Variants in ZNF555 observed in about 807,000 individuals in gnomAD.
ZNF555 encodes the protein zinc finger protein 555.
In ZNF555, 10 loss-of-function variants were observed where a neutral mutation model predicts 14.0. That is an observed-to-expected ratio of 0.72 (90% CI 0.44 to 1.21). ZNF555 has a LOEUF of 1.21. ZNF555 is among the 50% of genes most tolerant of loss of function. ZNF555 has a pLI of 0.00. For synonymous variants in ZNF555, 277 were observed against 262.4 expected (o/e 1.06, Z -0.54); for missense variants, 747 against 762.0 (o/e 0.98, Z 0.23).
chr19:2,842,978 G>T (rs1292728847), intron 1 of ZNF555, among the ~76,000 whole-genome samples: 3 of 152,034 alleles, frequency 2.0e-5, no homozygotes, highest in Admixed American at 6.5e-5. Context: ...AGAAGGCGGA[G>T]GTTGCGGTGA....
chr19:2,851,010 T>C (rs2087624937), intron 2 of ZNF555, among the ~76,000 whole-genome samples: 2 of 151,628 alleles, frequency 1.3e-5, no homozygotes, highest in South Asian at 4.2e-4. Flanking sequence ...TTTTTTTTTT[T>C]TTTTTTGAGA....
At position 2,842,623 on chromosome 19, in the gene ZNF555, C is replaced by T. The variant is rs115978249; in HGVS notation, c.3+1048C>T. Among the ~76,000 whole-genome samples the T allele has an allele frequency of 2.4e-3, 371 of 152,302 alleles. 1 individual carries two copies. The highest frequency in any genetic ancestry group is 8.2e-3 in the African/African-American group (341 of 41,570). Reference sequence around the variant, plus strand: ...ACCTGAGTTGGGGGTGGGAGGGCGTCCGTCGTGGTAGCCTGGCCAGACTTG... The same window carrying T: ...ACCTGAGTTGGGGGTGGGAGGGCGTTCGTCGTGGTAGCCTGGCCAGACTTG... On this transcript the variant is annotated intron_variant, in intron 1 of 3. Transcript: ENST00000334241.
rs557856180 is a variant in ZNF555 at position 2,856,285 on chromosome 19, A to T, written c.*2333A>T. On this transcript the variant is annotated 3_prime_UTR_variant, in exon 4 of 4. Transcript: ENST00000334241. ...AGTGGCACGACCTTAGCTCACTGCA[A>T]CCTTCATCTCCCAGGTTCAGTTGAT... 17 of 152,138 alleles carry T rather than the reference A, an allele frequency of 1.1e-4. No individual in the cohort carries two copies. Among genetic ancestry groups the T allele is most frequent in the African/African-American group, 4.1e-4 (17 of 41,480 alleles). 9.4% of individuals were successfully genotyped at this position (152,138 alleles called of 1,614,324 possible).
At position 2,853,923 on chromosome 19, in the gene ZNF555, A is replaced by G. The variant is rs769276886; in HGVS notation, c.1858A>G (p.Lys620Glu). Residue 620 changes from lysine (K) to glutamate (E), a missense_variant, in exon 4 of 4, where the codon AAA becomes GAA. Physicochemically the swap from Lys to Glu is moderately conservative, Grantham distance 56. Transcript: ENST00000334241. ...GTCACACCAGGAGAGAGATCTGATCAAAGTTGTAAATATGGTGTTGCCTTT... is the reference window on the plus strand; with the variant it reads ...GTCACACCAGGAGAGAGATCTGATCGAAGTTGTAAATATGGTGTTGCCTTT... ...EKSHQERDLI[K>E]VVNMVLPL 2.7e-5 allele frequency: 44 copies of G among 1,613,722 alleles called. 1 individual carries two copies. In the Middle Eastern group the frequency reaches 4.9e-4, roughly 18 times the overall value.
rs1314336601 is a variant in ZNF555 at position 2,854,078 on chromosome 19, C to T, written c.*126C>T. 2.5e-6 allele frequency: 3 copies of T among 1,189,084 alleles called. No homozygotes were observed. The highest frequency in any genetic ancestry group is 2.3e-6 in the Non-Finnish European group (2 of 862,588). 73.7% of individuals were successfully genotyped at this position (1,189,084 alleles called of 1,614,324 possible). A position where few individuals can be genotyped will look rare whatever the true frequency, so the allele number is the denominator to read the frequency against. On this transcript the variant is annotated 3_prime_UTR_variant, in exon 4 of 4. Transcript: ENST00000334241. ...CTACATGAATTTGAACAGGTAGTTTCTTACGATTCAGTAAATAAAACTTTC... is the reference window on the plus strand; with the variant it reads ...CTACATGAATTTGAACAGGTAGTTTTTTACGATTCAGTAAATAAAACTTTC...
At chr19:2,842,649 A>T (rs1163003881) in intron 1 of ZNF555, among the ~76,000 whole-genome samples, 3 of 151,576 alleles carry the variant, frequency 2.0e-5, no homozygotes, top group African/African-American at 7.3e-5. Flanking sequence ...GCCAGACTTG[A>T]CCCCTCCCTG....
At chr19:2,841,713 G>A (rs2144839363) in intron 1 of ZNF555, 138 bp downstream of exon 1, 1 of 1,093,596 alleles carries the variant, frequency 9.1e-7, no homozygotes, top group Non-Finnish European at 1.2e-6. Flanking sequence ...CTGGGCCCCG[G>A]GGGTCCCGCC....
In ZNF555 at chr19:2,850,638, G is replaced by A. The variant is rs2087620858; in HGVS notation, c.55G>A (p.Ala19Thr). 1 of 1,614,042 alleles carries A rather than the reference G, an allele frequency of 6.2e-7. No homozygotes were observed. The highest frequency in any genetic ancestry group is 1.7e-5 in the Admixed American group (1 of 60,006). Reference protein sequence around the residue: ...VAVDFTLEEWALLDSAQRDLY... With the variant: ...VAVDFTLEEWTLLDSAQRDLY... Reference sequence around the variant, plus strand: ...TGTGGACTTCACCCTGGAGGAGTGGGCTTTGCTGGATTCTGCTCAGAGGGA... The same window carrying A: ...TGTGGACTTCACCCTGGAGGAGTGGACTTTGCTGGATTCTGCTCAGAGGGA... The change falls in exon 2 of 4, where the codon GCT becomes ACT. Residue 19 changes from alanine (A) to threonine (T), a missense_variant. Ala to Thr is a moderately conservative substitution (Grantham distance 58). Transcript: ENST00000334241.
At position 2,859,303 on chromosome 19, in the gene ZNF555, T is replaced by A. The variant is rs1447717870; in HGVS notation, c.*5351T>A. On this transcript the variant is annotated 3_prime_UTR_variant, in exon 4 of 4. Coordinates refer to ENST00000334241, the MANE Select transcript of ZNF555 (RefSeq NM_152791.5). ...AGTGGCGGAAGCTCTCCTCTTGCCC[T>A]CTTCAGCTTCCGGTGTGGTGGGTCC... 6.6e-6 allele frequency: 1 copy of A among 152,250 alleles called. No individual in the cohort carries two copies. Among genetic ancestry groups the A allele is most frequent in the Non-Finnish European group, 1.5e-5 (1 of 68,090 alleles). The allele number at this position is 152,250 out of a possible 1,614,324, so 9.4% of individuals were successfully genotyped here. A position where few individuals can be genotyped will look rare whatever the true frequency, so the allele number is the denominator to read the frequency against.
At chr19:2,842,325 T>A (rs376208960) in intron 1 of ZNF555, among the ~76,000 whole-genome samples, 1 of 152,202 alleles carries the variant, frequency 6.6e-6, no homozygotes, top group Non-Finnish European at 1.5e-5. Context: ...TCCTGGTCCC[T>A]GGGCTCTCAC....
rs1226065109 is a variant in ZNF555, at chr19:2,853,123, A to G, written c.1058A>G (p.Gln353Arg). ...TGTGGGAAAACCTTCATTTATCTCC[A>G]GTCCTTTCGAAGACATGAAAGGATT... The part of the protein sequence containing the change: ...KQCGKTFIYL[Q>R]SFRRHERIHT... The change falls in exon 4 of 4, where the codon CAG becomes CGG. Residue 353 changes from glutamine to arginine, a missense_variant. Coordinates refer to ENST00000334241, the MANE Select transcript of ZNF555 (RefSeq NM_152791.5). The G allele has an allele frequency of 2.5e-6, 4 of 1,613,428 alleles. No individual in the cohort carries two copies. The African/African-American group carries it at 4.0e-5, about 16-fold the overall frequency.
chr19:2,853,301 A>T lies in ZNF555; in HGVS notation c.1236A>T (p.Arg412=). 1 of 1,614,112 alleles carries T rather than the reference A, an allele frequency of 6.2e-7. No individual in the cohort carries two copies. Among genetic ancestry groups the T allele is most frequent in the Non-Finnish European group, 8.5e-7 (1 of 1,179,990 alleles). Residue 412 remains arginine (R), a synonymous_variant, in exon 4 of 4, where the codon CGA becomes CGT. Transcript: ENST00000334241. ...CATTCAGTCACCCCTCCTCCTTTCG[A>T]GGACACATGAGGGTGCACACTGGAG... The part of the protein sequence containing the change: ...GKAFSHPSSF[R]GHMRVHTGEK...
At chr19:2,848,059 A>G (rs1599562769) in intron 1 of ZNF555, among the ~76,000 whole-genome samples, 1 of 151,662 alleles carries the variant, frequency 6.6e-6, no homozygotes, top group Non-Finnish European at 1.5e-5. Flanking sequence ...AACTTTTACC[A>G]TTTTCCTCAC....
At position 2,852,387 on chromosome 19, in the gene ZNF555, C is replaced by A. The variant is rs369669115; in HGVS notation, c.322C>A (p.His108Asn). 6 of 1,613,860 alleles carry A rather than the reference C, an allele frequency of 3.7e-6. No individual in the cohort carries two copies. Among genetic ancestry groups the A allele is most frequent in the South Asian group, 1.1e-5 (1 of 91,076 alleles). Residue 108 changes from histidine (H) to asparagine (N), a missense_variant, in exon 4 of 4, where the codon CAT (histidine) becomes AAT (asparagine). Physicochemically the swap from His to Asn is moderately conservative, Grantham distance 68 (BLOSUM62 1). Transcript: ENST00000334241. Reference sequence around the variant, plus strand: ...CATGCTTCTCATTTTTAGTAGAAATCATGGGTTGGAGAGACTCTGTGAAAG... The same window carrying A: ...CATGCTTCTCATTTTTAGTAGAAATAATGGGTTGGAGAGACTCTGTGAAAG... ...TNQGRNLSRN[H>N]GLERLCESND...
intron 2 of ZNF555, among the ~76,000 whole-genome samples, 161 bp downstream of exon 2, chr19:2,850,874 C>T (rs1374305383): frequency 6.6e-6 from 1 of 152,150 alleles, no homozygotes; most frequent in Non-Finnish European, 1.5e-5. Flanking sequence ...AATGTTTTTC[C>T]ATGAGAATGA....
At chr19:2,848,614 A>T (rs2087602638) in intron 1 of ZNF555, among the ~76,000 whole-genome samples, 1 of 151,174 alleles carries the variant, frequency 6.6e-6, no homozygotes, top group Non-Finnish European at 1.5e-5. Flanking sequence ...ACGCCCGGCT[A>T]ATTTTGTATT....
chr19:2,851,756 C>A, intron 3 of ZNF555, 105 bp downstream of exon 3: 1 of 1,049,100 alleles, frequency 9.5e-7, no homozygotes, highest in Non-Finnish European at 1.3e-6. Flanking sequence ...AGCCTAGCTC[C>A]AATTTGTTTA....
chr19:2,846,318 C>T (rs1426270610), intron 1 of ZNF555, among the ~76,000 whole-genome samples: 2 of 152,200 alleles, frequency 1.3e-5, no homozygotes, highest in Non-Finnish European at 2.9e-5. Flanking sequence ...TCAGAGCACT[C>T]ACAGCTGCAT....
chr19:2,844,482 G>A (rs572780007), intron 1 of ZNF555, among the ~76,000 whole-genome samples: 2 of 152,036 alleles, frequency 1.3e-5, no homozygotes, highest in African/African-American at 4.8e-5. Context: ...CAGGTGGCCC[G>A]CCCGCCTCAG....
Sources: allele counts gnomAD v4.1 joint callset (sites outside exome capture counted in the v4.1 genomes callset), GRCh38; gene constraint gnomAD v4.1.1; transcripts MANE v1.5; gene names NCBI Gene and HGNC (gene_info 2026-07-23, HGNC 2026-07-21).